ADGRB3: variants seen among roughly 807,000 people sequenced by gnomAD.
ADGRB3 encodes adhesion G protein-coupled receptor B3, also known as brain-specific angiogenesis inhibitor 3.
ADGRB3 carries 37 observed loss-of-function variants against 193.4 expected under a neutral mutation model. That is an observed-to-expected ratio of 0.19 (90% CI 0.15 to 0.25). ADGRB3 has a LOEUF of 0.25. ADGRB3 is among the 10% of genes least tolerant of loss of function. The pLI, the probability that ADGRB3 is intolerant of heterozygous loss-of-function variation, is 1.00. For synonymous variants in ADGRB3, 690 were observed against 644.2 expected, an observed-to-expected ratio of 1.07 and a Z score of -1.08; for missense variants, 1,637 against 1,852.9, an observed-to-expected ratio of 0.88 and a Z score of 2.14.
At chr6:68,870,585 A>G (rs1049788586) in intron 3 of ADGRB3, among the ~76,000 whole-genome samples, 2 of 152,166 alleles carry the variant, frequency 1.3e-5, no homozygotes, top group Non-Finnish European at 2.9e-5. Flanking sequence ...ACAGGTGAAA[A>G]CATTGAGTCA....
At chr6:69,133,169 A>G (rs1268190482) in intron 17 of ADGRB3, among the ~76,000 whole-genome samples, 2 of 152,130 alleles carry the variant, frequency 1.3e-5, no homozygotes, top group Admixed American at 6.6e-5. Flanking sequence ...AAGAAAGTCA[A>G]TGGTAGCTTG....
intron 17 of ADGRB3, among the ~76,000 whole-genome samples, chr6:69,148,551 G>C (rs1774572635): frequency 6.6e-6 from 1 of 152,012 alleles, no homozygotes; most frequent in Non-Finnish European, 1.5e-5. Flanking sequence ...TTCTACTTAA[G>C]ATAAGAGTAA....
Position 68,968,781 on chromosome 6 carries a change from C to A in ADGRB3, c.1526-5982C>A, listed in dbSNP as rs139056045. Among the ~76,000 whole-genome samples the A allele has an allele frequency of 4.3e-3, 651 of 152,160 alleles. 5 individuals carry two copies. The highest frequency in any genetic ancestry group is 0.024 in the East Asian group (125 of 5,180). Reference sequence around the variant, plus strand: ...AACTTTAACATTTGTCCTAATTCTCCTTCTTTTAGTATTCTATAATAGTTT... The same window carrying A: ...AACTTTAACATTTGTCCTAATTCTCATTCTTTTAGTATTCTATAATAGTTT... On this transcript the variant is annotated intron_variant, in intron 8 of 31. Transcript: ENST00000370598.
At chr6:69,214,926 C>G (rs757658744) in intron 17 of ADGRB3, among the ~76,000 whole-genome samples, 1 of 152,094 alleles carries the variant, frequency 6.6e-6, no homozygotes, top group Admixed American at 6.6e-5. Flanking sequence ...TAGTGAGGAA[C>G]AAGACCTACG....
At chr6:68,874,973 T>G (rs899517058) in intron 3 of ADGRB3, among the ~76,000 whole-genome samples, 1 of 152,208 alleles carries the variant, frequency 6.6e-6, no homozygotes, top group African/African-American at 2.4e-5. Flanking sequence ...CCTCAATGCC[T>G]TAATGACAAT....
At chr6:68,739,936 G>A (rs890923908) in intron 3 of ADGRB3, among the ~76,000 whole-genome samples, 8 of 152,020 alleles carry the variant, frequency 5.3e-5, no homozygotes, top group Non-Finnish European at 1.0e-4. Context: ...AAAGGTTGTA[G>A]CTTGTTAATA....
In ADGRB3 at chr6:68,719,703, T is replaced by C. The variant is rs555433061; in HGVS notation, c.757+80271T>C. Among the ~76,000 whole-genome samples the C allele has an allele frequency of 2.0e-5, 3 of 151,900 alleles. No homozygotes were observed. The East Asian group carries it at 5.8e-4, about 30-fold the overall frequency. Reference sequence around the variant, plus strand: ...TTTCTCTTCTCCTATTTTCTTTTTTTTTCTTTTGAATCTATAGGAATCACA... The same window carrying C: ...TTTCTCTTCTCCTATTTTCTTTTTTCTTCTTTTGAATCTATAGGAATCACA... On this transcript the variant is annotated intron_variant, in intron 3 of 31. Coordinates refer to ENST00000370598, the MANE Select transcript of ADGRB3 (RefSeq NM_001704.3).
chr6:68,755,747 T>C (rs908694921), intron 3 of ADGRB3, among the ~76,000 whole-genome samples: 1 of 152,140 alleles, frequency 6.6e-6, no homozygotes, highest in Non-Finnish European at 1.5e-5. Flanking sequence ...GAGCAAGAAC[T>C]GAATGCTTTG....
At chr6:68,677,753 A>G (rs1054852993) in intron 3 of ADGRB3, among the ~76,000 whole-genome samples, 1 of 151,826 alleles carries the variant, frequency 6.6e-6, no homozygotes, top group Non-Finnish European at 1.5e-5. Flanking sequence ...TCCTGATCTC[A>G]TGATCCAACA....
At chr6:68,819,051 T>C (rs986717534) in intron 3 of ADGRB3, among the ~76,000 whole-genome samples, 5 of 152,112 alleles carry the variant, frequency 3.3e-5, no homozygotes, top group African/African-American at 9.7e-5. Context: ...AATGGAATAT[T>C]GTTTATTCCA....
At position 69,239,240 on chromosome 6, in the gene ADGRB3, T is replaced by C. The variant is rs759887506; in HGVS notation, c.2814+14T>C. 1 of 1,463,394 alleles carries C rather than the reference T, an allele frequency of 6.8e-7. No individual in the cohort carries two copies. The allele number at this position is 1,463,394 out of a possible 1,614,324, so 90.7% of individuals were successfully genotyped here. A position where few individuals can be genotyped will look rare whatever the true frequency, so the allele number is the denominator to read the frequency against. On this transcript the variant is annotated intron_variant, in intron 20 of 31. Coordinates refer to ENST00000370598, the MANE Select transcript of ADGRB3 (RefSeq NM_001704.3). Reference sequence around the variant, plus strand: ...ACACATAATAAGGTATGACTGGTAATTATTCTGATTCTTTTTTTGTGTTTA... The same window carrying C: ...ACACATAATAAGGTATGACTGGTAACTATTCTGATTCTTTTTTTGTGTTTA...
intron 3 of ADGRB3, among the ~76,000 whole-genome samples, chr6:68,879,105 T>G (rs749692800): frequency 4.6e-5 from 7 of 152,140 alleles, no homozygotes; most frequent in Admixed American, 2.0e-4. Flanking sequence ...AAATGATTTA[T>G]TGACCAATTA....
chr6:68,831,703 A>G (rs975420274), intron 3 of ADGRB3, among the ~76,000 whole-genome samples: 3 of 152,034 alleles, frequency 2.0e-5, no homozygotes, highest in Admixed American at 2.0e-4. Context: ...CAACGTGGAA[A>G]TAGTTTTAAG....
chr6:68,723,370 C>A (rs1414375621), intron 3 of ADGRB3, among the ~76,000 whole-genome samples: 3 of 151,792 alleles, frequency 2.0e-5, no homozygotes, highest in South Asian at 2.1e-4. Flanking sequence ...ATGTGGGAGA[C>A]AATTGACCTC....
rs185987659 is a variant in ADGRB3, at chr6:68,695,000, C to T, written c.757+55568C>T. 3.8e-3 allele frequency among the ~76,000 whole-genome samples: 582 copies of T among 152,152 alleles called. 4 individuals are homozygous for T. Among genetic ancestry groups the T allele is most frequent in the Non-Finnish European group, 4.9e-3 (333 of 67,990 alleles). On this transcript the variant is annotated intron_variant, in intron 3 of 31. Transcript: ENST00000370598. ...TACGAGGTAATAGGCATCGTATAGT[C>T]TATTTTCAGTGATATCTAATAAAAC... is the stretch of plus-strand genomic sequence containing the variant.
chr6:69,236,432 G>A (rs1216276868), intron 19 of ADGRB3, among the ~76,000 whole-genome samples: 1 of 151,920 alleles, frequency 6.6e-6, no homozygotes, highest in Non-Finnish European at 1.5e-5. Flanking sequence ...TGACATTGTA[G>A]GCAGCAGAAT....
At chr6:69,050,753 T>C (rs1771369688) in intron 15 of ADGRB3, among the ~76,000 whole-genome samples, 1 of 152,186 alleles carries the variant, frequency 6.6e-6, no homozygotes, top group African/African-American at 2.4e-5. Flanking sequence ...ATTAAACATG[T>C]TGAGAATTTT....
At chr6:69,028,913 C>G (rs537282612) in intron 13 of ADGRB3, among the ~76,000 whole-genome samples, 2 of 152,286 alleles carry the variant, frequency 1.3e-5, no homozygotes, top group South Asian at 4.1e-4. Context: ...TATTTCATAG[C>G]ATGCCCCAAA....
chr6:68,919,996 G>A (rs988933282), intron 3 of ADGRB3, among the ~76,000 whole-genome samples: 24 of 152,216 alleles, frequency 1.6e-4, no homozygotes, highest in African/African-American at 5.5e-4. Flanking sequence ...TGGAATGTGA[G>A]GGGGTTGAGA....
Sources: allele counts gnomAD v4.1 joint callset (sites outside exome capture counted in the v4.1 genomes callset), GRCh38; gene constraint gnomAD v4.1.1; transcripts MANE v1.5; gene names NCBI Gene and HGNC (gene_info 2026-07-23, HGNC 2026-07-21).